VPS50: variants seen among roughly 807,000 people sequenced by gnomAD.
The protein encoded by VPS50 is VPS50 subunit of EARP/GARPII complex, also known as syndetin.
A neutral mutation model predicts 139.7 loss-of-function variants in VPS50; 70 were observed. That is an observed-to-expected ratio of 0.50 (90% confidence interval 0.41 to 0.61). The LOEUF is 0.61. Ranked by LOEUF, VPS50 falls within the 20% of genes least tolerant of loss-of-function variation. The pLI, the probability that VPS50 is intolerant of heterozygous loss-of-function variation, is 0.00. For missense variants in VPS50, 921 were observed against 1,133.7 expected, an observed-to-expected ratio of 0.81 and a Z score of 2.69; for synonymous variants, 365 against 376.7, an observed-to-expected ratio of 0.97 and a Z score of 0.36.
intron 19 of VPS50, 52 bp downstream of exon 19, chr7:93,308,994 C>A: frequency 2.1e-6 from 2 of 936,098 alleles, no homozygotes; most frequent in Non-Finnish European, 3.4e-6. Flanking sequence ...GTGCTCTTAA[C>A]ATATAGGATT....
intron 1 of VPS50, among the ~76,000 whole-genome samples, chr7:93,238,823 A>G (rs1308524986): frequency 1.3e-5 from 2 of 152,082 alleles, no homozygotes; most frequent in East Asian, 3.9e-4. Context: ...TTGCTTTCTC[A>G]TTTCTTGGAG....
intron 21 of VPS50, among the ~76,000 whole-genome samples, chr7:93,333,469 G>A (rs1190454573): frequency 6.6e-6 from 1 of 152,012 alleles, no homozygotes; most frequent in Non-Finnish European, 1.5e-5. Flanking sequence ...AACTATGTAT[G>A]ATTACCTCTA....
At chr7:93,326,362 G>A (rs895823241) in intron 21 of VPS50, among the ~76,000 whole-genome samples, 3 of 148,990 alleles carry the variant, frequency 2.0e-5, no homozygotes, top group African/African-American at 7.4e-5. Flanking sequence ...ACGAGTTAAT[G>A]GGTGCAGCAC....
At chr7:93,260,439 T>C (rs562711454) in intron 9 of VPS50, among the ~76,000 whole-genome samples, 1 of 152,308 alleles carries the variant, frequency 6.6e-6, no homozygotes, top group African/African-American at 2.4e-5. Context: ...AATTCTGACA[T>C]TCAGTGAGCA....
At chr7:93,276,333 A>T in intron 12 of VPS50, 28 bp downstream of exon 12, 1 of 1,581,132 alleles carries the variant, frequency 6.3e-7, no homozygotes, top group Non-Finnish European at 8.6e-7. Context: ...TACTATTCAT[A>T]TATCTCTCCT....
At chr7:93,238,258 C>A (rs1316169242) in intron 1 of VPS50, among the ~76,000 whole-genome samples, 1 of 151,602 alleles carries the variant, frequency 6.6e-6, no homozygotes, top group Non-Finnish European at 1.5e-5. Flanking sequence ...TACTATTTTT[C>A]TCCCTCACTC....
chr7:93,292,160 G>A (rs7790676), intron 13 of VPS50, among the ~76,000 whole-genome samples: 141,344 of 152,092 alleles, frequency 0.93, 65,789 homozygotes, highest in East Asian at 1. Context: ...GTCTGTCTAA[G>A]TTTACTGTGA....
chr7:93,355,698 C>T (rs1366598122), intron 26 of VPS50, among the ~76,000 whole-genome samples, 193 bp from the exon 27 acceptor site: 2 of 152,056 alleles, frequency 1.3e-5, no homozygotes, highest in East Asian at 1.9e-4. Flanking sequence ...AACTGAGGCC[C>T]GCATAGGTAA....
Position 93,294,407 on chromosome 7 carries a change from T to C in VPS50, c.1076-138T>C, listed in dbSNP as rs143558512. 411 of 732,100 alleles carry C rather than the reference T, an allele frequency of 5.6e-4. 4 individuals are homozygous for C. In the East Asian group the frequency reaches 0.013, roughly 23 times the overall value. 45.4% of individuals were successfully genotyped at this position (732,100 alleles called of 1,614,324 possible). On this transcript the variant is annotated intron_variant, in intron 13 of 27. Coordinates refer to ENST00000305866, the MANE Select transcript of VPS50 (RefSeq NM_017667.4). ...GTCTAATACCTATTGTTTGATATTG[T>C]TTTGATTGTATAAATATCAAACATA...
At chr7:93,331,931 A>G (rs1053427259) in intron 21 of VPS50, among the ~76,000 whole-genome samples, 5 of 152,202 alleles carry the variant, frequency 3.3e-5, no homozygotes, top group African/African-American at 1.2e-4. Flanking sequence ...TGCACTGCAA[A>G]AGAAGATATG....
At position 93,323,617 on chromosome 7, in the gene VPS50, A is replaced by G; in HGVS notation, c.1862A>G (p.Tyr621Cys). ...TATTCTTTTTTCTTTTCAGGAAAAT[A>G]TATGCAGATGATGAACATTCTTAAG... is the stretch of plus-strand genomic sequence containing the variant. ...TLNVIRLVGK[Y>C]MQMMNILKPI... The change falls in exon 21 of 28, where the codon TAT (tyrosine) becomes TGT (cysteine). Residue 621 changes from tyrosine to cysteine, a missense_variant. This residue lies in a region of VPS50 where 744 missense variants were observed against 930.6 expected (regional missense o/e 0.80). Coordinates refer to ENST00000305866, the MANE Select transcript of VPS50 (RefSeq NM_017667.4). 1 of 1,267,580 alleles carries G rather than the reference A, an allele frequency of 7.9e-7. No homozygotes were observed. 78.5% of individuals were successfully genotyped at this position (1,267,580 alleles called of 1,614,324 possible). A position where few individuals can be genotyped will look rare whatever the true frequency, so the allele number is the denominator to read the frequency against.
In VPS50 at chr7:93,256,567, GATA is replaced by G; in HGVS notation, c.351+9_351+11del. ...AAACAGCCTGCTTATGTAAAGGTAG[GATA>G]ATATTTGTTATTTTTTGTAGTAGAA... On this transcript the variant is annotated splice_donor_region_variant and intron_variant, in intron 5 of 27. Transcript: ENST00000305866. The G allele has an allele frequency of 1.4e-6, 2 of 1,427,592 alleles. No homozygotes were observed. Among genetic ancestry groups the G allele is most frequent in the South Asian group, 1.3e-5 (1 of 74,380 alleles). The allele number at this position is 1,427,592 out of a possible 1,614,324, so 88.4% of individuals were successfully genotyped here.
At chr7:93,316,220 CG>C (rs759917740) in intron 20 of VPS50, among the ~76,000 whole-genome samples, 12 of 152,078 alleles carry the variant, frequency 7.9e-5, no homozygotes, top group Non-Finnish European at 1.3e-4. Flanking sequence ...AGAAACATGA[CG>C]GGGCCTGGAG....
intron 23 of VPS50, among the ~76,000 whole-genome samples, chr7:93,346,335 A>T (rs1798392926): frequency 1.3e-5 from 2 of 152,256 alleles, no homozygotes; most frequent in Non-Finnish European, 2.9e-5. Flanking sequence ...GGATACAAAC[A>T]AATGGAAGAA....
chr7:93,256,132 G>T (rs571892258), intron 4 of VPS50, among the ~76,000 whole-genome samples: 1 of 152,028 alleles, frequency 6.6e-6, no homozygotes, highest in African/African-American at 2.4e-5. Flanking sequence ...AGATATTGTC[G>T]CCATAAATTC....
intron 2 of VPS50, among the ~76,000 whole-genome samples, chr7:93,251,484 A>G (rs1030614546): frequency 2.8e-5 from 4 of 145,352 alleles, no homozygotes; most frequent in African/African-American, 7.5e-5. Flanking sequence ...ATGAGAACAC[A>G]TAGAGGGGAA....
At chr7:93,242,318 T>C (rs1424079469) in intron 2 of VPS50, among the ~76,000 whole-genome samples, 1 of 151,764 alleles carries the variant, frequency 6.6e-6, no homozygotes, top group Admixed American at 6.6e-5. Flanking sequence ...TATAATACTG[T>C]GAAGGAAACA....
chr7:93,237,240 G>C (rs1794838076), intron 1 of VPS50, among the ~76,000 whole-genome samples: 1 of 152,042 alleles, frequency 6.6e-6, no homozygotes, highest in African/African-American at 2.4e-5. Context: ...ACAGGCGTGA[G>C]CCACCACGCC....
chr7:93,307,056 A>T (rs1797136745), intron 18 of VPS50, among the ~76,000 whole-genome samples: 1 of 151,878 alleles, frequency 6.6e-6, no homozygotes, highest in Admixed American at 6.6e-5. Flanking sequence ...TGATTCATTA[A>T]TTAAAACTTA....
Sources: allele counts gnomAD v4.1 joint callset (sites outside exome capture counted in the v4.1 genomes callset), GRCh38; gene constraint gnomAD v4.1.1; regional missense constraint gnomAD v4.1.1; transcripts MANE v1.5; gene names NCBI Gene and HGNC (gene_info 2026-07-23, HGNC 2026-07-21).